The following STK36 variants were observed in gnomAD, a reference collection of about 807,000 sequenced individuals.
The protein encoded by STK36 is serine/threonine kinase 36.
In STK36, 116 loss-of-function variants were observed where a neutral mutation model predicts 142.2. That is an observed-to-expected ratio of 0.82 (90% CI 0.70 to 0.95). The LOEUF is 0.95. Ranked by LOEUF, STK36 falls within the 40% of genes least tolerant of loss-of-function variation. The probability of loss-of-function intolerance (pLI) is 0.00; values close to 1 mark genes in which losing one functional copy is unlikely to be tolerated. For synonymous variants in STK36, 619 were observed against 641.7 expected, an observed-to-expected ratio of 0.96 and a Z score of 0.53; for missense variants, 1,422 against 1,617.2, an observed-to-expected ratio of 0.88 and a Z score of 2.07.
intron 10 of STK36, among the ~76,000 whole-genome samples, chr2:218,681,020 G>A (rs1178876950): frequency 1.3e-5 from 2 of 151,976 alleles, no homozygotes; most frequent in African/African-American, 4.8e-5. Flanking sequence ...TTTATAGTTT[G>A]CTGTTTTTAC....
Position 218,697,541 on chromosome 2 carries a change from A to G in STK36, c.2840A>G (p.His947Arg), listed in dbSNP as rs773124165. 24 of 1,614,202 alleles carry G rather than the reference A, an allele frequency of 1.5e-5. No homozygotes were observed. The highest frequency in any genetic ancestry group is 1.6e-4 in the Middle Eastern group (1 of 6,062). ...PQLCLSCLSQ[H>R]GSILMSILKH... ...TTATGCCTGAGCTGCCTGTCCCAGC[A>G]TGGAAGTATCCTCATGTCCATCCTG... The change falls in exon 24 of 27, where the codon CAT (histidine) becomes CGT (arginine). Residue 947 changes from histidine (H) to arginine (R), a missense_variant. Physicochemically the swap from His to Arg is conservative, Grantham distance 29. This residue lies in a region of STK36 where 962 missense variants were observed against 1,167.5 expected (regional missense o/e 0.82). Transcript: ENST00000295709.
rs1020579497 is a variant in STK36 at position 218,672,121 on chromosome 2, G to C, written c.-184G>C. 2.7e-5 allele frequency: 23 copies of C among 853,892 alleles called. No individual in the cohort carries two copies. Among genetic ancestry groups the C allele is most frequent in the Middle Eastern group, 5.1e-4 (2 of 3,914 alleles). The allele number at this position is 853,892 out of a possible 1,614,324, so 52.9% of individuals were successfully genotyped here. On this transcript the variant is annotated 5_prime_UTR_variant, in exon 1 of 27. Coordinates refer to ENST00000295709, the MANE Select transcript of STK36 (RefSeq NM_015690.5). ...GATGGCCCTGAGGCAGTTCGGATGT[G>C]TCCCAGGAAGTGCCCATGTGTGGTC...
At chr2:218,691,078 A>G (rs548320165) in intron 14 of STK36, among the ~76,000 whole-genome samples, 1 of 152,232 alleles carries the variant, frequency 6.6e-6, no homozygotes, top group South Asian at 2.1e-4. Flanking sequence ...AGACTTGCAG[A>G]TCATCTAGTA....
intron 16 of STK36, among the ~76,000 whole-genome samples, 196 bp downstream of exon 16, chr2:218,692,906 G>A (rs1941071036): frequency 6.6e-6 from 1 of 152,332 alleles, no homozygotes; most frequent in Middle Eastern, 3.4e-3. Flanking sequence ...CAGTTGGTGA[G>A]GGAGAGAGCA....
At position 218,679,279 on chromosome 2, in the gene STK36, C is replaced by G. The variant is rs371681561; in HGVS notation, c.778+18C>G. 17 of 1,612,600 alleles carry G rather than the reference C, an allele frequency of 1.1e-5. No individual in the cohort carries two copies. The highest frequency in any genetic ancestry group is 1.2e-5 in the Non-Finnish European group (14 of 1,178,808). ...TGTCACCAGTGAGTCATCAGGGTTC[C>G]CAGGGCTCTTGGACTTCCCAGTACT... On this transcript the variant is annotated intron_variant, in intron 7 of 26. Transcript: ENST00000295709.
intron 25 of STK36, 113 bp from the exon 26 acceptor site, chr2:218,698,489 C>T: frequency 7.4e-7 from 1 of 1,349,254 alleles, no homozygotes; most frequent in South Asian, 1.4e-5. Context: ...ACTTCCAGCT[C>T]TCTGTGGCAT....
intron 10 of STK36, among the ~76,000 whole-genome samples, chr2:218,680,904 A>G (rs935288432): frequency 3.0e-4 from 46 of 152,218 alleles, no homozygotes; most frequent in Non-Finnish European, 6.6e-4. Context: ...GGTAAAAATG[A>G]AAGTCCTCAT....
At chr2:218,679,817 G>T (rs1940429478) in intron 8 of STK36, 76 bp from the exon 9 acceptor site, 1 of 1,606,480 alleles carries the variant, frequency 6.2e-7, no homozygotes, top group Admixed American at 1.7e-5. Flanking sequence ...GGTTGGAGAA[G>T]GGCCGTGAAT....
chr2:218,691,948 C>A (rs569745322), intron 14 of STK36, among the ~76,000 whole-genome samples, 195 bp from the exon 15 acceptor site: 20 of 152,322 alleles, frequency 1.3e-4, no homozygotes, highest in African/African-American at 4.6e-4. Context: ...GAAGGATTGA[C>A]ACCTAAAATT....
chr2:218,697,349 G>A, intron 23 of STK36, 114 bp from the exon 24 acceptor site: 2 of 1,520,154 alleles, frequency 1.3e-6, no homozygotes, highest in Admixed American at 2.1e-5. Context: ...CTGCACTAGA[G>A]CTGCTCTAAG....
In STK36 at chr2:218,698,941, C is replaced by T. The variant is rs755931943; in HGVS notation, c.3397C>T (p.Leu1133=). 3.7e-5 allele frequency: 59 copies of T among 1,614,072 alleles called. No homozygotes were observed. The East Asian group carries it at 1.3e-3, about 36-fold the overall frequency. ...TGTGCGGGCACACACTTATAGGCTC[C>T]TGGGACACTTGCTCCAACACAGCAT... is the stretch of plus-strand genomic sequence containing the variant. The part of the protein sequence containing the change: ...NSVRAHTYRL[L]GHLLQHSMAL... Residue 1133 remains leucine, a synonymous_variant, in exon 26 of 27, where the codon CTG becomes TTG. Coordinates refer to ENST00000295709, the MANE Select transcript of STK36 (RefSeq NM_015690.5).
Position 218,672,926 on chromosome 2 carries a change from G to C in STK36, c.84+13G>C, listed in dbSNP as rs1006628443. On this transcript the variant is annotated intron_variant, in intron 2 of 26. Transcript: ENST00000295709. Reference sequence around the variant, plus strand: ...ATACAGTGCTCAGGTGTTGCACAAAGAGGGATACCTTTTGGGTGGGATTTG... The same window carrying C: ...ATACAGTGCTCAGGTGTTGCACAAACAGGGATACCTTTTGGGTGGGATTTG... The C allele has an allele frequency of 3.1e-6, 5 of 1,613,472 alleles. No individual in the cohort carries two copies. The African/African-American group carries it at 5.3e-5, about 17-fold the overall frequency.
chr2:218,684,968 A>G, intron 10 of STK36, 117 bp from the exon 11 acceptor site: 1 of 1,324,536 alleles, frequency 7.5e-7, no homozygotes, highest in Non-Finnish European at 1.1e-6. Context: ...ATCTGTGCTA[A>G]AGGGGTCACT....
intron 12 of STK36, 88 bp from the exon 13 acceptor site, chr2:218,689,771 G>A: frequency 8.4e-7 from 1 of 1,185,676 alleles, no homozygotes; most frequent in Non-Finnish European, 1.2e-6. Context: ...AACTTGACTG[G>A]GTCTCTATAC....
intron 7 of STK36, 130 bp from the exon 8 acceptor site, chr2:218,679,430 C>G: frequency 7.6e-7 from 1 of 1,320,612 alleles, no homozygotes; most frequent in Non-Finnish European, 1.0e-6. Flanking sequence ...ACAACCCACT[C>G]TCTCTCTGTC....
Position 218,694,301 on chromosome 2 carries a change from A to T in STK36, c.2374A>T (p.Thr792Ser), listed in dbSNP as rs1238976141. 1 of 1,614,082 alleles carries T rather than the reference A, an allele frequency of 6.2e-7. No individual in the cohort carries two copies. Among genetic ancestry groups the T allele is most frequent in the South Asian group, 1.1e-5 (1 of 91,082 alleles). ...KLGSDVATLFTHSHVVSLVSA... is the reference protein window; with the variant it reads ...KLGSDVATLFSHSHVVSLVSA... ...AGGCAGTGACGTTGCTACTCTCTTTACCCATTCGCATGTCGTCTCTCTTGT... is the reference window on the plus strand; with the variant it reads ...AGGCAGTGACGTTGCTACTCTCTTTTCCCATTCGCATGTCGTCTCTCTTGT... The change falls in exon 20 of 27, where the codon ACC becomes TCC. Residue 792 changes from threonine to serine, a missense_variant. Thr to Ser is a moderately conservative substitution (Grantham distance 58). Transcript: ENST00000295709. This position sits in a 1 kb window ranked among gnomAD's most constrained non-coding sequence, Gnocchi z 4.4.
Position 218,693,918 on chromosome 2 carries a change from GTCTACTGAAGTGACAC to G in STK36, c.2278_2293del (p.Glu760SerfsTer19). The G allele has an allele frequency of 6.2e-7, 1 of 1,614,262 alleles. No individual in the cohort carries two copies. Among genetic ancestry groups the G allele is most frequent in the Non-Finnish European group, 8.5e-7 (1 of 1,180,038 alleles). ...AGGTAAAAGTAGTAGATTGGGAAGA[GTCTACTGAAGTGACAC>G]TCTACTTCCTCTCCCTTCTTGTCTT... On this transcript the variant is annotated frameshift_variant, in exon 19 of 27. Transcript: ENST00000295709. LOFTEE classifies it high-confidence loss of function.
chr2:218,694,031 G>A lies in STK36; in HGVS notation c.2336+48G>A, dbSNP rs755518496. 5 of 1,565,802 alleles carry A rather than the reference G, an allele frequency of 3.2e-6. No homozygotes were observed. The highest frequency in any genetic ancestry group is 4.4e-6 in the Non-Finnish European group (5 of 1,136,432). ...TCCACAGAAGTCTTCTAGCCACATA[G>A]CTAACCCTCACAAAGAGTATGGGGA... On this transcript the variant is annotated intron_variant, in intron 19 of 26. Transcript: ENST00000295709. This position sits in a 1 kb window ranked among gnomAD's most constrained non-coding sequence, Gnocchi z 4.4.
intron 6 of STK36, among the ~76,000 whole-genome samples, chr2:218,676,941 C>T (rs1021642519): frequency 6.6e-6 from 1 of 152,008 alleles, no homozygotes; most frequent in Admixed American, 6.6e-5. Context: ...TGAGCCACTG[C>T]TCCCAGCCTG....
Sources: allele counts gnomAD v4.1 joint callset (sites outside exome capture counted in the v4.1 genomes callset), GRCh38; gene constraint gnomAD v4.1.1; regional missense constraint gnomAD v4.1.1; non-coding constraint Gnocchi (gnomAD v3.1); transcripts MANE v1.5; gene names NCBI Gene and HGNC (gene_info 2026-07-23, HGNC 2026-07-21).